Variants in IMMP2L observed in about 807,000 individuals in gnomAD.
The protein encoded by IMMP2L is mitochondrial inner membrane protease subunit 2.
Under a neutral mutation model 19.3 loss-of-function variants are expected in IMMP2L, and 18 were observed. That is an observed-to-expected ratio of 0.93 (90% CI 0.64 to 1.38). IMMP2L has a LOEUF of 1.38. Among genes scored for constraint, IMMP2L ranks in the 40% most tolerant of loss-of-function variants. IMMP2L has a pLI of 0.00. For missense variants in IMMP2L, 233 were observed against 218.2 expected (o/e 1.07, Z -0.43); for synonymous variants, 76 against 73.0 (o/e 1.04, Z -0.21).
chr7:110,764,756 A>C (rs1049937761), intron 5 of IMMP2L, among the ~76,000 whole-genome samples: 4 of 152,070 alleles, frequency 2.6e-5, no homozygotes, highest in African/African-American at 9.7e-5. Context: ...TTACTAAATT[A>C]CTCAGGGAGA....
At chr7:111,240,945 A>C (rs2129629390) in intron 3 of IMMP2L, among the ~76,000 whole-genome samples, 1 of 152,048 alleles carries the variant, frequency 6.6e-6, no homozygotes, top group Admixed American at 6.6e-5. Flanking sequence ...AAATGCTTTT[A>C]AAATGCAAAC....
chr7:110,931,959 C>T (rs1280710682), intron 4 of IMMP2L, among the ~76,000 whole-genome samples: 1 of 152,114 alleles, frequency 6.6e-6, no homozygotes, highest in Non-Finnish European at 1.5e-5. Context: ...CTACATCTTT[C>T]TTCTACTCCT....
At chr7:110,833,846 G>A (rs1269749209) in intron 5 of IMMP2L, among the ~76,000 whole-genome samples, 3 of 152,092 alleles carry the variant, frequency 2.0e-5, no homozygotes, top group Non-Finnish European at 4.4e-5. Context: ...TCCTTTGAAT[G>A]GGGCAAACAC....
intron 3 of IMMP2L, among the ~76,000 whole-genome samples, chr7:111,231,782 C>T (rs1813741840): frequency 1.3e-5 from 2 of 151,846 alleles, no homozygotes; most frequent in Admixed American, 1.3e-4. Flanking sequence ...TTATAATCTT[C>T]ATAAAAAACT....
chr7:111,135,299 C>T (rs572447627), intron 3 of IMMP2L, among the ~76,000 whole-genome samples: 3 of 152,222 alleles, frequency 2.0e-5, no homozygotes, highest in African/African-American at 7.2e-5. Context: ...CATACTCATA[C>T]ATATTATGCC....
chr7:111,384,341 TGAGGAAGAGAA>T (rs1831524967), intron 3 of IMMP2L, among the ~76,000 whole-genome samples: 1 of 137,516 alleles, frequency 7.3e-6, no homozygotes, highest in Non-Finnish European at 1.6e-5. Context: ...AGGAGGAGGA[TGAGGAAGAGAA>T]GAGGGGGAGG....
intron 4 of IMMP2L, among the ~76,000 whole-genome samples, chr7:110,909,115 G>A (rs755503718): frequency 1.6e-4 from 25 of 152,210 alleles, no homozygotes; most frequent in Non-Finnish European, 3.5e-4. Context: ...CCAAGATCCC[G>A]TGTTCAGAAG....
chr7:110,790,138 T>C (rs1349311513), intron 5 of IMMP2L, among the ~76,000 whole-genome samples: 3 of 151,558 alleles, frequency 2.0e-5, no homozygotes, highest in Non-Finnish European at 4.4e-5. Flanking sequence ...TCCATAAATA[T>C]TCCTTATTGT....
At chr7:110,672,924 C>G (rs1204755562) in intron 5 of IMMP2L, among the ~76,000 whole-genome samples, 1 of 152,176 alleles carries the variant, frequency 6.6e-6, no homozygotes, top group African/African-American at 2.4e-5. Flanking sequence ...TGCAAGCTGT[C>G]AGTGGATCTA....
intron 3 of IMMP2L, among the ~76,000 whole-genome samples, chr7:111,402,991 A>ACCGCCCCC (rs1833572653): frequency 2.2e-5 from 1 of 45,506 alleles, no homozygotes; most frequent in African/African-American, 1.1e-4. Flanking sequence ...TGCAGCCTTG[A>ACCGCCCCC]CCCCCCCCCC....
intron 3 of IMMP2L, among the ~76,000 whole-genome samples, chr7:111,231,922 ATC>A (rs1370532548): frequency 6.6e-6 from 1 of 152,018 alleles, no homozygotes; most frequent in Non-Finnish European, 1.5e-5. Flanking sequence ...TCAGTGCACT[ATC>A]TAGGAAGTCA....
intron 5 of IMMP2L, among the ~76,000 whole-genome samples, chr7:110,742,534 C>T (rs571454442): frequency 1.1e-4 from 17 of 152,082 alleles, no homozygotes; most frequent in South Asian, 2.1e-4. Context: ...TTTGGGAAAC[C>T]AAGGCAAGCG....
chr7:111,548,406 T>C (rs1297404543), intron 1 of IMMP2L, among the ~76,000 whole-genome samples: 3 of 152,146 alleles, frequency 2.0e-5, no homozygotes, highest in Non-Finnish European at 4.4e-5. Flanking sequence ...CCATGTCTAC[T>C]TTAGGGGTTA....
rs1387659310 is a variant in IMMP2L at position 110,758,251 on chromosome 7, T to C, written c.409-94530A>G. Among the ~76,000 whole-genome samples the C allele has an allele frequency of 6.6e-6, 1 of 151,530 alleles. No individual in the cohort carries two copies. Among genetic ancestry groups the C allele is most frequent in the African/African-American group, 2.4e-5 (1 of 41,236 alleles). On this transcript the variant is annotated intron_variant, in intron 5 of 5. Coordinates refer to ENST00000405709, the MANE Select transcript of IMMP2L (RefSeq NM_032549.4). The surrounding 1 kb of genome is among the most constrained non-coding windows in gnomAD (Gnocchi z 4.6). ...GATGTGGGTGAAAATCTGACTGGAGTGGACTTAAGAGAATGGGAGGAGAAA... is the reference window on the plus strand; with the variant it reads ...GATGTGGGTGAAAATCTGACTGGAGCGGACTTAAGAGAATGGGAGGAGAAA...
intron 1 of IMMP2L, among the ~76,000 whole-genome samples, chr7:111,545,783 CTTCT>C (rs1388905429): frequency 1.3e-5 from 2 of 151,990 alleles, no homozygotes; most frequent in Non-Finnish European, 2.9e-5. Flanking sequence ...GAATATATTT[CTTCT>C]TTGTTTTTAT....
At chr7:111,154,707 G>A (rs1219671670) in intron 3 of IMMP2L, among the ~76,000 whole-genome samples, 7 of 152,054 alleles carry the variant, frequency 4.6e-5, no homozygotes, top group Non-Finnish European at 1.0e-4. Context: ...ACAAGAGATG[G>A]CTGCGATCTA....
chr7:111,463,522 T>C (rs993109255), intron 3 of IMMP2L, among the ~76,000 whole-genome samples: 8 of 152,130 alleles, frequency 5.3e-5, no homozygotes, highest in Admixed American at 2.6e-4. Flanking sequence ...GGGAGGGTAT[T>C]TGTTGCCACT....
intron 3 of IMMP2L, among the ~76,000 whole-genome samples, chr7:111,345,522 T>G (rs1306931755): frequency 6.6e-6 from 1 of 152,154 alleles, no homozygotes; most frequent in Non-Finnish European, 1.5e-5. Context: ...GGTATTTGAT[T>G]ATTTGAGGAC....
At chr7:110,694,644 A>T (rs976950789) in intron 5 of IMMP2L, among the ~76,000 whole-genome samples, 14 of 151,836 alleles carry the variant, frequency 9.2e-5, no homozygotes, top group African/African-American at 2.7e-4. Context: ...AAAGAGGAGG[A>T]GAGAGAGAGA....
Sources: gnomAD v4.1 joint callset for allele counts (sites outside exome capture counted in the v4.1 genomes callset) on GRCh38, gnomAD v4.1.1 for gene constraint, Gnocchi (gnomAD v3.1) non-coding constraint, MANE v1.5 for transcripts, NCBI Gene and HGNC (gene_info 2026-07-23, HGNC 2026-07-21) for gene names.